IL15: variants seen among roughly 807,000 people sequenced by gnomAD.
IL15 encodes the protein interleukin 15.
A neutral mutation model predicts 19.6 loss-of-function variants in IL15; 11 were observed. The observed-to-expected ratio is 0.56, with a 90% CI of 0.35 to 0.93. The LOEUF is 0.93. Among genes scored for constraint, IL15 ranks in the 40% least tolerant of loss-of-function variants. IL15 has a pLI of 0.01. For synonymous variants in IL15, 58 were observed against 59.6 expected (o/e 0.97, Z 0.12); for missense variants, 197 against 186.5 (o/e 1.06, Z -0.33).
At position 141,729,886 on chromosome 4, in the gene IL15, G is replaced by A; in HGVS notation, c.280G>A (p.Glu94Lys). The change falls in exon 7 of 8, where the codon GAG (glutamate) becomes AAG (lysine). Residue 94 changes from glutamate (E) to lysine (K), a missense_variant. Physicochemically the swap from Glu to Lys is moderately conservative, Grantham distance 56 (BLOSUM62 1). Coordinates refer to ENST00000320650, the MANE Select transcript of IL15 (RefSeq NM_000585.5). ...AACAGCAATGAAGTGCTTTCTCTTG[G>A]AGTTACAAGTTATTTCACTTGAGTC... Reference protein sequence around the residue: ...KVTAMKCFLLELQVISLESGD... With the variant: ...KVTAMKCFLLKLQVISLESGD... The A allele has an allele frequency of 6.3e-7, 1 of 1,582,984 alleles. No homozygotes were observed. The highest frequency in any genetic ancestry group is 8.7e-7 in the Non-Finnish European group (1 of 1,152,048).
At chr4:141,674,473 C>A (rs1334896323) in intron 2 of IL15, among the ~76,000 whole-genome samples, 2 of 152,066 alleles carry the variant, frequency 1.3e-5, no homozygotes, top group African/African-American at 4.8e-5. Context: ...GTAATCCCAG[C>A]TACTCAGGAG....
intron 2 of IL15, among the ~76,000 whole-genome samples, chr4:141,685,490 T>A (rs772157538): frequency 1.1e-4 from 16 of 152,168 alleles, no homozygotes; most frequent in Non-Finnish European, 1.8e-4. Context: ...GAGATGACTT[T>A]TGGAATATAT....
rs71586237 is a variant in IL15 at position 141,666,081 on chromosome 4, A to ATTTATTTAT, written c.-100+9776_-100+9777insTATTTATTT. On this transcript the variant is annotated intron_variant, in intron 2 of 7. Transcript: ENST00000320650. ...TCTCTCAGACTCATCCTTTTTATTT[A>ATTTATTTAT]TTATTTATTTATTTATTTATTTATT... 4.6e-3 allele frequency among the ~76,000 whole-genome samples: 657 copies of ATTTATTTAT among 143,388 alleles called. 7 individuals are homozygous for ATTTATTTAT. The highest frequency in any genetic ancestry group is 0.015 in the African/African-American group (598 of 39,432). The allele number at this position is 143,388 out of a possible 152,430, so 94.1% of individuals were successfully genotyped here.
intron 2 of IL15, among the ~76,000 whole-genome samples, chr4:141,677,915 C>G (rs1185413743): frequency 6.6e-6 from 1 of 152,162 alleles, no homozygotes; most frequent in African/African-American, 2.4e-5. Context: ...CATAATTCTG[C>G]TTACCATATC....
At chr4:141,657,182 A>T (rs1727638318) in intron 2 of IL15, among the ~76,000 whole-genome samples, 1 of 152,222 alleles carries the variant, frequency 6.6e-6, no homozygotes. Flanking sequence ...TTGTGTATCT[A>T]AACACAGAAA....
intron 2 of IL15, among the ~76,000 whole-genome samples, chr4:141,662,709 C>G (rs562160827): frequency 6.6e-6 from 1 of 151,984 alleles, no homozygotes; most frequent in East Asian, 1.9e-4. Context: ...ATTCATCAAC[C>G]TATTTTTTTT....
At chr4:141,656,038 C>G in intron 1 of IL15, 148 bp from the exon 2 acceptor site, 1 of 392,968 alleles carries the variant, frequency 2.5e-6, no homozygotes, top group Non-Finnish European at 4.5e-6. Flanking sequence ...CCAAGAAGTT[C>G]AGTCTTGACT....
chr4:141,658,213 G>GT (rs1727672493), intron 2 of IL15, among the ~76,000 whole-genome samples: 3 of 152,180 alleles, frequency 2.0e-5, no homozygotes. Flanking sequence ...CTCTGGCCAT[G>GT]TAACACATGC....
intron 2 of IL15, among the ~76,000 whole-genome samples, chr4:141,671,035 A>G (rs777219374): frequency 1.3e-5 from 2 of 152,210 alleles, no homozygotes; most frequent in Non-Finnish European, 2.9e-5. Context: ...GAGCAGACTC[A>G]TTTATCTATC....
At position 141,721,906 on chromosome 4, in the gene IL15, C is replaced by G. The variant is rs1560937649; in HGVS notation, c.111-18C>G. 1 of 1,572,580 alleles carries G rather than the reference C, an allele frequency of 6.4e-7. No individual in the cohort carries two copies. The highest frequency in any genetic ancestry group is 2.3e-5 in the East Asian group (1 of 44,064). On this transcript the variant is annotated intron_variant, in intron 4 of 7. Transcript: ENST00000320650. ...ATAGGCTCCTTCAAAATGCTTTGCTCTATGGTTTTTCTTTCAGCTGTTTCA... is the reference window on the plus strand; with the variant it reads ...ATAGGCTCCTTCAAAATGCTTTGCTGTATGGTTTTTCTTTCAGCTGTTTCA...
chr4:141,721,211 C>G, intron 4 of IL15: 1 of 831,486 alleles, frequency 1.2e-6, no homozygotes, highest in Non-Finnish European at 2.1e-6. Flanking sequence ...TTAGTGTTGA[C>G]TATCATGCTT....
intron 2 of IL15, among the ~76,000 whole-genome samples, chr4:141,679,976 A>G (rs1172591316): frequency 6.6e-6 from 1 of 152,244 alleles, no homozygotes; most frequent in African/African-American, 2.4e-5. Context: ...TAAAGTTTGG[A>G]AAATAGCAAC....
Position 141,727,940 on chromosome 4 carries a change from T to C in IL15, c.196T>C (p.Ser66Pro). ...DLKKIEDLIQ[S>P]MHIDATLYTE... ...ATTGTCTAATTTTGTTTCCTTTCAG[T>C]CTATGCATATTGATGCTACTTTATA... is the stretch of plus-strand genomic sequence containing the variant. The change falls in exon 6 of 8, where the codon TCT becomes CCT. Residue 66 changes from serine to proline, a missense_variant and splice_region_variant. Ser to Pro is a moderately conservative substitution (Grantham distance 74). Coordinates refer to ENST00000320650, the MANE Select transcript of IL15 (RefSeq NM_000585.5). 1 of 1,262,182 alleles carries C rather than the reference T, an allele frequency of 7.9e-7. No individual in the cohort carries two copies. Among genetic ancestry groups the C allele is most frequent in the East Asian group, 2.4e-5 (1 of 41,140 alleles). 78.2% of individuals were successfully genotyped at this position (1,262,182 alleles called of 1,614,324 possible).
At position 141,725,812 on chromosome 4, in the gene IL15, A is replaced by G. The variant is rs184551441; in HGVS notation, c.196-2128A>G. ...ATTGTCTGAGTTTTCTGTTGCTTAT[A>G]ACAGAGTACTTGAAATGCATAATTT... On this transcript the variant is annotated intron_variant, in intron 5 of 7. Coordinates refer to ENST00000320650, the MANE Select transcript of IL15 (RefSeq NM_000585.5). Among the ~76,000 whole-genome samples, 170 of 152,296 alleles carry G rather than the reference A, an allele frequency of 1.1e-3. 2 individuals are homozygous for G. Among genetic ancestry groups the G allele is most frequent in the Middle Eastern group, 3.4e-3 (1 of 294 alleles).
intron 1 of IL15, among the ~76,000 whole-genome samples, chr4:141,650,471 G>A (rs1468471247): frequency 6.6e-6 from 1 of 152,032 alleles, no homozygotes; most frequent in East Asian, 1.9e-4. Context: ...TGAAATTGAA[G>A]TTAATATGGA....
intron 2 of IL15, among the ~76,000 whole-genome samples, chr4:141,664,819 A>G (rs1432793571): frequency 6.6e-6 from 1 of 152,214 alleles, no homozygotes; most frequent in Non-Finnish European, 1.5e-5. Context: ...TAATTCTTAC[A>G]TACATACTTT....
At chr4:141,703,068 C>T (rs972772288) in intron 2 of IL15, among the ~76,000 whole-genome samples, 17 of 152,174 alleles carry the variant, frequency 1.1e-4, no homozygotes, top group African/African-American at 3.9e-4. Flanking sequence ...CATCCAGCTC[C>T]TTGCAGTTGG....
rs538573174 is a variant in IL15 at position 141,670,933 on chromosome 4, G to A, written c.-100+14626G>A. Among the ~76,000 whole-genome samples, 19 of 152,282 alleles carry A rather than the reference G, an allele frequency of 1.2e-4. No individual in the cohort carries two copies. In the East Asian group the frequency reaches 1.5e-3, roughly 12 times the overall value. On this transcript the variant is annotated intron_variant, in intron 2 of 7. Coordinates refer to ENST00000320650, the MANE Select transcript of IL15 (RefSeq NM_000585.5). The stretch of plus-strand genomic sequence containing the variant: ...AACAACTAGTATGGAGAAGAAAGAC[G>A]TTGGAGGGTCTGGGCTCATGTATGC...
At chr4:141,655,340 T>C (rs1727552764) in intron 1 of IL15, among the ~76,000 whole-genome samples, 1 of 151,664 alleles carries the variant, frequency 6.6e-6, no homozygotes. Flanking sequence ...TTTAAGGCGG[T>C]ATTATACAAA....
Sources: allele counts gnomAD v4.1 joint callset (sites outside exome capture counted in the v4.1 genomes callset), GRCh38; gene constraint gnomAD v4.1.1; transcripts MANE v1.5; gene names NCBI Gene and HGNC (gene_info 2026-07-23, HGNC 2026-07-21).